Variants in SOS2 observed in about 807,000 individuals in gnomAD.
SOS2 encodes SOS Ras/Rho guanine nucleotide exchange factor 2.
A neutral mutation model predicts 148.2 loss-of-function variants in SOS2; 65 were observed. The observed-to-expected ratio is 0.44, with a 90% CI of 0.36 to 0.54. The LOEUF is 0.54. Ranked by LOEUF, SOS2 falls within the 20% of genes least tolerant of loss-of-function variation. SOS2 has a pLI of 0.00. For missense variants in SOS2, 1,341 were observed against 1,590.2 expected, an observed-to-expected ratio of 0.84 and a Z score of 2.67; for synonymous variants, 539 against 537.1, an observed-to-expected ratio of 1.00 and a Z score of -0.05.
intron 7 of SOS2, among the ~76,000 whole-genome samples, chr14:50,178,624 A>T (rs1359624452): frequency 6.7e-6 from 1 of 149,042 alleles, no homozygotes; most frequent in African/African-American, 2.5e-5. Context: ...CTAGAACTAC[A>T]GGTGTGCACC....
intron 8 of SOS2, among the ~76,000 whole-genome samples, chr14:50,162,582 A>T (rs1885044758): frequency 6.6e-6 from 1 of 152,208 alleles, no homozygotes; most frequent in South Asian, 2.1e-4. Flanking sequence ...AGCAATTTCA[A>T]GTTTACAAAT....
rs542594482 is a variant in SOS2, at chr14:50,144,141, T to C, written c.2667+1029A>G. Among the ~76,000 whole-genome samples the C allele has an allele frequency of 4.6e-5, 7 of 152,198 alleles. No homozygotes were observed. The East Asian group carries it at 1.2e-3, about 25-fold the overall frequency. Reference sequence around the variant, plus strand: ...AAGACTTCTACATATGAATATTCCATGATAAATTATCACAGAAAAAAATCA... The same window carrying C: ...AAGACTTCTACATATGAATATTCCACGATAAATTATCACAGAAAAAAATCA... On this transcript the variant is annotated intron_variant, in intron 16 of 22. Coordinates refer to ENST00000216373, the MANE Select transcript of SOS2 (RefSeq NM_006939.4).
At position 50,158,924 on chromosome 14, in the gene SOS2, C is replaced by T. The variant is rs113808656; in HGVS notation, c.1853-278G>A. Among the ~76,000 whole-genome samples, 2,512 of 152,184 alleles carry T rather than the reference C, an allele frequency of 0.017. 69 individuals carry two copies. The highest frequency in any genetic ancestry group is 0.057 in the African/African-American group (2,385 of 41,486). On this transcript the variant is annotated intron_variant, in intron 10 of 22. Coordinates refer to ENST00000216373, the MANE Select transcript of SOS2 (RefSeq NM_006939.4). Reference sequence around the variant, plus strand: ...ATATGGCTGGGTGAGGTGGCTCACGCCTATAATCTCAGCACTTTGGGAGGC... The same window carrying T: ...ATATGGCTGGGTGAGGTGGCTCACGTCTATAATCTCAGCACTTTGGGAGGC...
chr14:50,125,200 G>A (rs143169683), intron 21 of SOS2, among the ~76,000 whole-genome samples: 50 of 152,292 alleles, frequency 3.3e-4, no homozygotes, highest in Middle Eastern at 3.4e-3. Flanking sequence ...GAAACATACC[G>A]CGAGAAGACA....
chr14:50,228,226 T>C (rs1471539502), intron 1 of SOS2, among the ~76,000 whole-genome samples: 1 of 152,008 alleles, frequency 6.6e-6, no homozygotes, highest in Admixed American at 6.6e-5. Flanking sequence ...TATTTTTTAG[T>C]AGAGACGGGG....
In SOS2 at chr14:50,130,544, TGAA is replaced by T; in HGVS notation, c.3291_3293del (p.Ser1098del). 1 of 1,614,036 alleles carries T rather than the reference TGAA, an allele frequency of 6.2e-7. No homozygotes were observed. The highest frequency in any genetic ancestry group is 1.3e-5 in the African/African-American group (1 of 75,048). ...CCACATCTAAAAATACACTAAGGTC[TGAA>T]GAAGCAGATACTGGTGGAGTAGATG... On this transcript the variant is annotated inframe_deletion, in exon 20 of 23. Coordinates refer to ENST00000216373, the MANE Select transcript of SOS2 (RefSeq NM_006939.4).
intron 7 of SOS2, among the ~76,000 whole-genome samples, chr14:50,179,083 TAC>T (rs1364738341): frequency 1.3e-5 from 2 of 152,044 alleles, no homozygotes; most frequent in African/African-American, 4.8e-5. Context: ...TAACAAATAC[TAC>T]AGACATTAAG....
chr14:50,214,890 C>T (rs1001953728), intron 1 of SOS2, among the ~76,000 whole-genome samples: 18 of 149,838 alleles, frequency 1.2e-4, no homozygotes, highest in African/African-American at 4.4e-4. Flanking sequence ...GGATGGAGTG[C>T]AGTGGCGCGA....
At chr14:50,138,261 A>G (rs1190485830) in intron 18 of SOS2, among the ~76,000 whole-genome samples, 1 of 151,694 alleles carries the variant, frequency 6.6e-6, no homozygotes, top group African/African-American at 2.4e-5. Context: ...GGCTCAAGTG[A>G]TTCTCCCACC....
chr14:50,122,133 T>C (rs140251335), intron 21 of SOS2, among the ~76,000 whole-genome samples: 9 of 152,292 alleles, frequency 5.9e-5, no homozygotes, highest in African/African-American at 1.9e-4. Context: ...AGTTTAACTG[T>C]AGGCATGTAA....
intron 4 of SOS2, among the ~76,000 whole-genome samples, chr14:50,193,502 TAC>T (rs1324675370): frequency 6.6e-6 from 1 of 152,192 alleles, no homozygotes; most frequent in Non-Finnish European, 1.5e-5. Flanking sequence ...TATGCTAGAA[TAC>T]CTCATATAGC....
rs1225040676 is a variant in SOS2 at position 50,118,743 on chromosome 14, C to T, written c.3600G>A (p.Leu1200=). 1 of 1,609,772 alleles carries T rather than the reference C, an allele frequency of 6.2e-7. No homozygotes were observed. Residue 1200 remains leucine, a synonymous_variant, in exon 23 of 23, where the codon CTG becomes CTA. Transcript: ENST00000216373. Reference sequence around the variant, plus strand: ...TTGGTGGTGGCGGAGGTGGACTATGCAGAGGCCCATCAAATGCACCAGTAG... The same window carrying T: ...TTGGTGGTGGCGGAGGTGGACTATGTAGAGGCCCATCAAATGCACCAGTAG... ...PVPTGAFDGP[L]HSPPPPPPRD... is the part of the protein sequence containing the mutation.
intron 17 of SOS2, 46 bp downstream of exon 17, chr14:50,139,896 C>G: frequency 1.1e-6 from 1 of 904,240 alleles, no homozygotes; most frequent in Non-Finnish European, 1.8e-6. Flanking sequence ...TCTCTTTTGG[C>G]TATCACACGC....
intron 22 of SOS2, among the ~76,000 whole-genome samples, chr14:50,119,431 G>A (rs1334652729): frequency 2.0e-5 from 3 of 152,220 alleles, no homozygotes; most frequent in African/African-American, 7.2e-5. Context: ...ATTTTGAGAA[G>A]CATTAGTTGA....
intron 1 of SOS2, among the ~76,000 whole-genome samples, chr14:50,217,970 AAAAC>A (rs1485652773): frequency 3.3e-5 from 5 of 150,754 alleles, no homozygotes; most frequent in Admixed American, 2.0e-4. Flanking sequence ...AACAAAAACA[AAAAC>A]AAACAAACAA....
chr14:50,229,549 C>T (rs1207785938), intron 1 of SOS2, among the ~76,000 whole-genome samples: 1 of 150,816 alleles, frequency 6.6e-6, no homozygotes, highest in Admixed American at 6.6e-5. Flanking sequence ...TGGTTTATGC[C>T]TGTAATCCCA....
rs1326662146 is a variant in SOS2, at chr14:50,144,954, A to G, written c.2667+216T>C. 3.9e-5 allele frequency among the ~76,000 whole-genome samples: 6 copies of G among 152,062 alleles called. No individual in the cohort carries two copies. In the South Asian group the frequency reaches 1.0e-3, roughly 26 times the overall value. ...CTCATATTGTTTATTGAATATTGAT[A>G]TATTTTCTAATATAAGCCTAGGATT... On this transcript the variant is annotated intron_variant, in intron 16 of 22. Coordinates refer to ENST00000216373, the MANE Select transcript of SOS2 (RefSeq NM_006939.4).
At chr14:50,206,695 A>T (rs567499048) in intron 1 of SOS2, among the ~76,000 whole-genome samples, 1 of 152,344 alleles carries the variant, frequency 6.6e-6, no homozygotes, top group Admixed American at 6.5e-5. Context: ...CTTTCACCTT[A>T]AGAATCTAGA....
chr14:50,216,601 G>GC (rs1887046994), intron 1 of SOS2, among the ~76,000 whole-genome samples: 1 of 151,730 alleles, frequency 6.6e-6, no homozygotes, highest in Non-Finnish European at 1.5e-5. Context: ...TGTACTAAAA[G>GC]TACAAAAATT....
Sources: allele counts gnomAD v4.1 joint callset (sites outside exome capture counted in the v4.1 genomes callset), GRCh38; gene constraint gnomAD v4.1.1; transcripts MANE v1.5; gene names NCBI Gene and HGNC (gene_info 2026-07-23, HGNC 2026-07-21).